ZMYND11: variants seen among roughly 807,000 people sequenced by gnomAD.
ZMYND11 encodes the protein zinc finger MYND domain-containing protein 11.
In ZMYND11, 9 loss-of-function variants were observed where a neutral mutation model predicts 84.9. The ratio of observed to expected loss-of-function variants is 0.11; its 90% CI spans 0.06 to 0.18. The LOEUF (loss-of-function observed/expected upper bound fraction) is 0.18. Ranked by LOEUF, ZMYND11 falls within the 10% of genes least tolerant of loss-of-function variation. The pLI is 1.00. For synonymous variants in ZMYND11, 250 were observed against 244.1 expected, an observed-to-expected ratio of 1.02 and a Z score of -0.23; for missense variants, 409 against 761.0, an observed-to-expected ratio of 0.54 and a Z score of 5.44.
chr10:165,580 C>A (rs1554763489), intron 1 of ZMYND11, among the ~76,000 whole-genome samples: 1 of 152,142 alleles, frequency 6.6e-6, no homozygotes, highest in Admixed American at 6.6e-5. Context: ...TAGTCTCCAT[C>A]CCAGATTTCT....
intron 2 of ZMYND11, among the ~76,000 whole-genome samples, chr10:194,446 G>A (rs987177155): frequency 1.3e-5 from 2 of 152,154 alleles, no homozygotes; most frequent in Non-Finnish European, 2.9e-5. Context: ...ACCTAGGAGT[G>A]GAATTGCTAG....
chr10:159,442 A>T (rs1232952341), intron 1 of ZMYND11, among the ~76,000 whole-genome samples: 2 of 152,208 alleles, frequency 1.3e-5, no homozygotes, highest in Non-Finnish European at 2.9e-5. Context: ...TCTAATAAGT[A>T]GAAATGATAT....
chr10:209,435 C>T (rs1366195872), intron 2 of ZMYND11, among the ~76,000 whole-genome samples: 3 of 152,154 alleles, frequency 2.0e-5, no homozygotes, highest in African/African-American at 4.8e-5. Context: ...TCTCTGGTGT[C>T]ATTTCCTAAG....
At chr10:144,988 A>G (rs1838402348) in intron 1 of ZMYND11, among the ~76,000 whole-genome samples, 1 of 150,964 alleles carries the variant, frequency 6.6e-6, no homozygotes, top group African/African-American at 2.4e-5. Flanking sequence ...TTGTGTACCC[A>G]TAGCTTAGTT....
intron 4 of ZMYND11, among the ~76,000 whole-genome samples, chr10:226,206 A>T (rs980336273): frequency 2.0e-5 from 3 of 152,168 alleles, no homozygotes; most frequent in Admixed American, 6.5e-5. Flanking sequence ...GCATATAACT[A>T]CTTGACTCCC....
At chr10:193,160 A>G (rs1487156705) in intron 2 of ZMYND11, among the ~76,000 whole-genome samples, 1 of 152,168 alleles carries the variant, frequency 6.6e-6, no homozygotes, top group Non-Finnish European at 1.5e-5. Flanking sequence ...CTAATTGTAT[A>G]GTTTTATCAT....
rs1947092610 is a variant in ZMYND11 at position 221,258 on chromosome 10, A to C, written c.340A>C (p.Ile114Leu). 2 of 1,613,916 alleles carry C rather than the reference A, an allele frequency of 1.2e-6. No individual in the cohort carries two copies. The highest frequency in any genetic ancestry group is 4.5e-5 in the East Asian group (2 of 44,876). The change falls in exon 4 of 15, where the codon ATA (isoleucine) becomes CTA (leucine). Residue 114 changes from isoleucine (I) to leucine (L), a missense_variant. Physicochemically the swap from Ile to Leu is conservative, Grantham distance 5. Coordinates refer to ENST00000381604, the MANE Select transcript of ZMYND11 (RefSeq NM_001370100.5). Reference protein sequence around the residue: ...FECHLPGEVLICDLCFRVYHS... With the variant: ...FECHLPGEVLLCDLCFRVYHS... The stretch of plus-strand genomic sequence containing the variant: ...ATGCCATTTGCCTGGAGAGGTGTTG[A>C]TATGTGACCTGTGTTTTCGTGTGTA...
chr10:193,365 T>C lies in ZMYND11; in HGVS notation c.116+13237T>C, dbSNP rs538518850. ...CATTCCATATAGTTAAATTATTTAT[T>C]AGCAGTACCGTTACTTGTGTGCCCT... On this transcript the variant is annotated intron_variant, in intron 2 of 14. Coordinates refer to ENST00000381604, the MANE Select transcript of ZMYND11 (RefSeq NM_001370100.5). Among the ~76,000 whole-genome samples the C allele has an allele frequency of 2.4e-4, 36 of 152,374 alleles. No homozygotes were observed. The South Asian group carries it at 6.8e-3, about 29-fold the overall frequency.
chr10:248,466 G>A lies in ZMYND11; in HGVS notation c.1358G>A (p.Arg453Gln), dbSNP rs768093930. The change falls in exon 13 of 15, where the codon CGG (arginine) becomes CAG (glutamine). Residue 453 changes from arginine (R) to glutamine (Q), a missense_variant. Physicochemically the swap from Arg to Gln is conservative, Grantham distance 43. This residue lies in a region of ZMYND11 where 141 missense variants were observed against 173.8 expected (regional missense o/e 0.81). Coordinates refer to ENST00000381604, the MANE Select transcript of ZMYND11 (RefSeq NM_001370100.5). ...GCCTCTTCACCAAGAATGCTGCATCGGAGCACCCAGACCACAAACGACGGC... is the reference window on the plus strand; with the variant it reads ...GCCTCTTCACCAAGAATGCTGCATCAGAGCACCCAGACCACAAACGACGGC... ...LSASSPRMLH[R>Q]STQTTNDGVC... 3.7e-6 allele frequency: 6 copies of A among 1,614,110 alleles called. No individual in the cohort carries two copies. The highest frequency in any genetic ancestry group is 1.6e-4 in the Middle Eastern group (1 of 6,062).
intron 3 of ZMYND11, among the ~76,000 whole-genome samples, chr10:217,450 G>T (rs1026456038): frequency 6.6e-6 from 1 of 151,778 alleles, no homozygotes; most frequent in Admixed American, 6.6e-5. Flanking sequence ...TGGAACCTGG[G>T]AGGCGGAGGT....
upstream of ZMYND11, among the ~76,000 whole-genome samples, chr10:132,016 T>C (rs1419475778): frequency 6.6e-6 from 1 of 152,058 alleles, no homozygotes; most frequent in East Asian, 1.9e-4. Flanking sequence ...ACTTGTTATA[T>C]AGTAACTTAT....
chr10:135,987 C>G lies in ZMYND11; in HGVS notation c.-20+428C>G, dbSNP rs1407861558. The stretch of plus-strand genomic sequence containing the variant: ...TCCGGGCCGGCGGGGAACGCGGCTC[C>G]GGGCGTGTGGCGGGCGGAGAGGAAG... On this transcript the variant is annotated intron_variant, in intron 1 of 14. Coordinates refer to ENST00000381604, the MANE Select transcript of ZMYND11 (RefSeq NM_001370100.5). This position sits in a 1 kb window ranked among gnomAD's most constrained non-coding sequence, Gnocchi z 5.6. Among the ~76,000 whole-genome samples the G allele has an allele frequency of 6.6e-6, 1 of 151,692 alleles. No individual in the cohort carries two copies. The highest frequency in any genetic ancestry group is 1.5e-5 in the Non-Finnish European group (1 of 67,850).
intron 1 of ZMYND11, among the ~76,000 whole-genome samples, chr10:149,618 A>G (rs1224483532): frequency 6.6e-6 from 1 of 152,230 alleles, no homozygotes; most frequent in African/African-American, 2.4e-5. Context: ...AAAGAACAAC[A>G]CAATAGTAAA....
chr10:141,853 A>G (rs1409039644), intron 1 of ZMYND11, among the ~76,000 whole-genome samples: 1 of 152,230 alleles, frequency 6.6e-6, no homozygotes, highest in Non-Finnish European at 1.5e-5. Context: ...TATCATGTGA[A>G]CATGAAAGAT....
chr10:241,056 C>T (rs191105771), intron 9 of ZMYND11, 86 bp downstream of exon 9: 2 of 1,111,426 alleles, frequency 1.8e-6, no homozygotes, highest in African/African-American at 1.6e-5. Flanking sequence ...AATTTTCTTC[C>T]TAAATTTTTA....
intron 13 of ZMYND11, 114 bp downstream of exon 13, chr10:248,722 G>T: frequency 7.1e-7 from 1 of 1,408,158 alleles, no homozygotes; most frequent in South Asian, 1.5e-5. Flanking sequence ...GCCATATAAT[G>T]ACACCAGTAT....
intron 8 of ZMYND11, among the ~76,000 whole-genome samples, chr10:240,376 C>T (rs181852347): frequency 2.5e-4 from 38 of 152,140 alleles, no homozygotes; most frequent in African/African-American, 7.0e-4. Context: ...TGGTGGTGTA[C>T]GCCTGTAGTC....
intron 2 of ZMYND11, among the ~76,000 whole-genome samples, chr10:203,947 CT>C (rs1310880421): frequency 6.6e-6 from 1 of 152,126 alleles, no homozygotes; most frequent in African/African-American, 2.4e-5. Context: ...TGCTTCATTT[CT>C]TGTGAAAACT....
intron 10 of ZMYND11, 115 bp downstream of exon 10, chr10:242,254 A>AAC (rs397805404): frequency 1.0e-5 from 15 of 1,449,102 alleles, no homozygotes; most frequent in East Asian, 2.3e-5. Flanking sequence ...GAAAAAAAAA[A>AAC]CACATTATGC....
Sources: gnomAD v4.1 joint callset for allele counts (sites outside exome capture counted in the v4.1 genomes callset) on GRCh38, gnomAD v4.1.1 for gene constraint, gnomAD v4.1.1 regional missense constraint, Gnocchi (gnomAD v3.1) non-coding constraint, MANE v1.5 for transcripts, NCBI Gene and HGNC (gene_info 2026-07-23, HGNC 2026-07-21) for gene names.